ADK: variants seen among roughly 807,000 people sequenced by gnomAD.
ADK encodes N6,N6-dimethyladenosine kinase.
In ADK, 24 loss-of-function variants were observed where a neutral mutation model predicts 44.7. That is an observed-to-expected ratio of 0.54 (90% CI 0.39 to 0.76). The LOEUF is 0.76. Ranked by LOEUF, ADK falls within the 30% of genes least tolerant of loss-of-function variation. ADK has a pLI of 0.00. For synonymous variants in ADK, 128 were observed against 142.6 expected (o/e 0.90, Z 0.73); for missense variants, 321 against 425.1 (o/e 0.76, Z 2.15).
chr10:74,574,274 G>A (rs534723519), intron 7 of ADK, among the ~76,000 whole-genome samples: 2 of 151,398 alleles, frequency 1.3e-5, no homozygotes, highest in South Asian at 4.2e-4. Flanking sequence ...ACATTGAAGC[G>A]ATTCTCCTGC....
intron 7 of ADK, among the ~76,000 whole-genome samples, chr10:74,576,104 T>C (rs1049445242): frequency 2.6e-5 from 4 of 151,644 alleles, no homozygotes; most frequent in Admixed American, 2.6e-4. Context: ...AGAGAAAAGA[T>C]TGGAAAGTTA....
chr10:74,176,494 AT>A, intron 1 of ADK: 2 of 1,167,024 alleles, frequency 1.7e-6, no homozygotes, highest in Non-Finnish European at 1.1e-6. Flanking sequence ...AGGCGCGGCC[AT>A]TTTTGGGGCG....
At chr10:74,249,019 G>C (rs111751426) in intron 3 of ADK, among the ~76,000 whole-genome samples, 9 of 152,226 alleles carry the variant, frequency 5.9e-5, no homozygotes, top group African/African-American at 2.2e-4. Flanking sequence ...AATATTTTCT[G>C]CTGCTTTTTG....
At position 74,151,349 on chromosome 10, in the gene ADK, C is replaced by T. The variant is rs1241408429; in HGVS notation, c.65+6C>T. ...GAGGCGCCGCAAGCGCTGAGGTGAG[C>T]GCTGCCGGACTTGGGGAGGAGGGTG... On this transcript the variant is annotated splice_donor_region_variant and intron_variant, in intron 1 of 10. Transcript: ENST00000539909. The T allele has an allele frequency of 1.9e-6, 3 of 1,549,470 alleles. No individual in the cohort carries two copies. In the East Asian group the frequency reaches 7.3e-5, roughly 38 times the overall value.
intron 6 of ADK, among the ~76,000 whole-genome samples, chr10:74,415,134 G>A (rs765680732): frequency 4.1e-4 from 62 of 152,110 alleles, no homozygotes; most frequent in Non-Finnish European, 7.9e-4. Flanking sequence ...ATGTGAGATT[G>A]GAAACCACAC....
intron 6 of ADK, among the ~76,000 whole-genome samples, chr10:74,510,913 G>T (rs558576901): frequency 6.6e-6 from 1 of 152,246 alleles, no homozygotes; most frequent in South Asian, 2.1e-4. Flanking sequence ...TCACCATGTT[G>T]TCGAGGCTGA....
At chr10:74,446,236 G>A (rs1423213430) in intron 6 of ADK, among the ~76,000 whole-genome samples, 1 of 151,982 alleles carries the variant, frequency 6.6e-6, no homozygotes, top group Admixed American at 6.6e-5. Context: ...CACTAATTGT[G>A]TAACCCTTGT....
chr10:74,682,575 CTT>C lies in ADK; in HGVS notation c.964+12321_964+12322del, dbSNP rs11298231. 8.4e-3 allele frequency among the ~76,000 whole-genome samples: 1,116 copies of C among 132,986 alleles called. 45 individuals carry two copies. The highest frequency in any genetic ancestry group is 0.064 in the Admixed American group (835 of 13,044). 87.2% of individuals were successfully genotyped at this position (132,986 alleles called of 152,430 possible). ...CTTTAGTTTTCTTTTCTTTTCTTTT[CTT>C]TTTTTTTTTTTTTTGAGACGGAGTC... On this transcript the variant is annotated intron_variant, in intron 10 of 10. Coordinates refer to ENST00000539909, the MANE Select transcript of ADK (RefSeq NM_006721.4).
chr10:74,427,079 G>A (rs1844822996), intron 6 of ADK, among the ~76,000 whole-genome samples: 1 of 152,168 alleles, frequency 6.6e-6, no homozygotes, highest in African/African-American at 2.4e-5. Flanking sequence ...AGAAATGAAG[G>A]AAGAAGGGAG....
intron 10 of ADK, among the ~76,000 whole-genome samples, chr10:74,693,102 C>T (rs1856051686): frequency 6.6e-6 from 1 of 152,024 alleles, no homozygotes; most frequent in Admixed American, 6.6e-5. Flanking sequence ...TTGTCAAATC[C>T]CACAGAATAT....
intron 2 of ADK, among the ~76,000 whole-genome samples, chr10:74,215,769 C>T (rs11000926): frequency 0.12 from 17,835 of 150,154 alleles, 1,080 homozygotes; most frequent in Middle Eastern, 0.2. Context: ...GGGTTCACCC[C>T]ATTCTCCTGC....
intron 3 of ADK, among the ~76,000 whole-genome samples, chr10:74,300,513 A>C (rs1839993513): frequency 6.6e-6 from 1 of 151,960 alleles, no homozygotes; most frequent in South Asian, 2.1e-4. Context: ...AGTAGCTGGG[A>C]CTACAGCCTC....
At chr10:74,180,583 C>G (rs899018315) in intron 1 of ADK, among the ~76,000 whole-genome samples, 3 of 151,398 alleles carry the variant, frequency 2.0e-5, no homozygotes, top group South Asian at 2.1e-4. Flanking sequence ...CTCAGCCTCT[C>G]TAGTAGCTGG....
intron 6 of ADK, among the ~76,000 whole-genome samples, chr10:74,436,612 T>A (rs2133111798): frequency 6.6e-6 from 1 of 152,260 alleles, no homozygotes; most frequent in South Asian, 2.1e-4. Flanking sequence ...CCCTATAATA[T>A]GCTTAACTGA....
intron 7 of ADK, among the ~76,000 whole-genome samples, chr10:74,572,561 T>C (rs1851008582): frequency 6.6e-6 from 1 of 152,264 alleles, no homozygotes. Flanking sequence ...CCTTGCTAGA[T>C]TGGGGAAGTT....
chr10:74,708,337 G>T lies in ADK; in HGVS notation c.981G>T (p.Leu327=), dbSNP rs1434534514. 3 of 1,610,658 alleles carry T rather than the reference G, an allele frequency of 1.9e-6. No individual in the cohort carries two copies. Among genetic ancestry groups the T allele is most frequent in the African/African-American group, 2.7e-5 (2 of 74,650 alleles). ...GTGTTCTAGGTTTTCTGTCTCAACT[G>T]GTCTCTGACAAGCCTCTGACTGAAT... ...DAFVGGFLSQ[L]VSDKPLTECI... Residue 327 remains leucine (L), a synonymous_variant, in exon 11 of 11, where the codon CTG becomes CTT. Coordinates refer to ENST00000539909, the MANE Select transcript of ADK (RefSeq NM_006721.4).
intron 6 of ADK, among the ~76,000 whole-genome samples, chr10:74,473,627 G>T (rs139600664): frequency 6.6e-6 from 1 of 152,248 alleles, no homozygotes; most frequent in South Asian, 2.1e-4. Flanking sequence ...TGAAATTATG[G>T]GGTTTTGAGA....
chr10:74,417,257 C>A (rs12260506), intron 6 of ADK, among the ~76,000 whole-genome samples: 6,696 of 152,206 alleles, frequency 0.044, 517 homozygotes, highest in African/African-American at 0.15. Flanking sequence ...ATTCAAATAT[C>A]TTTAATTCCC....
intron 4 of ADK, among the ~76,000 whole-genome samples, chr10:74,382,430 A>G (rs1280657959): frequency 6.6e-6 from 1 of 152,014 alleles, no homozygotes; most frequent in Non-Finnish European, 1.5e-5. Context: ...GTTTTAATTT[A>G]CCACAATAAA....
Sources: gnomAD v4.1 joint callset for allele counts (sites outside exome capture counted in the v4.1 genomes callset) on GRCh38, gnomAD v4.1.1 for gene constraint, MANE v1.5 for transcripts, NCBI Gene and HGNC (gene_info 2026-07-23, HGNC 2026-07-21) for gene names.